Variants in TBC1D30 observed in about 807,000 individuals in gnomAD.
TBC1D30 encodes the protein TBC1 domain family, member 30.
In TBC1D30, 31 loss-of-function variants were observed where a neutral mutation model predicts 63.2. The observed-to-expected ratio is 0.49, with a 90% CI of 0.37 to 0.66. TBC1D30 has a LOEUF of 0.66. TBC1D30 is among the 30% of genes least tolerant of loss of function. The pLI is 0.00. For missense variants in TBC1D30, 810 were observed against 953.6 expected, an observed-to-expected ratio of 0.85 and a Z score of 1.98; for synonymous variants, 307 against 361.5, an observed-to-expected ratio of 0.85 and a Z score of 1.71.
chr12:64,774,295 A>G (rs192736411), intron 1 of TBC1D30, among the ~76,000 whole-genome samples: 1 of 152,344 alleles, frequency 6.6e-6, no homozygotes, highest in East Asian at 1.9e-4. Context: ...GATTATGTAA[A>G]GAGACTGAAT....
intron 1 of TBC1D30, among the ~76,000 whole-genome samples, chr12:64,769,542 A>ATTTTTTTTT (rs35063952): frequency 7.5e-6 from 1 of 133,108 alleles, no homozygotes; most frequent in Non-Finnish European, 1.6e-5. Context: ...ACGCTGGGCT[A>ATTTTTTTTT]TTTTTTTTTT....
chr12:64,824,872 G>A lies in TBC1D30; in HGVS notation c.-8G>A. On this transcript the variant is annotated 5_prime_UTR_variant, in exon 1 of 12. Coordinates refer to ENST00000539867, the MANE Select transcript of TBC1D30 (RefSeq NM_015279.2). ...CGGTAGCCGTGCCAGAGCCCGGGGC[G>A]CTCTCGGATGCGGCAGGACAAGCTG... 1.3e-6 allele frequency: 2 copies of A among 1,532,612 alleles called. No individual in the cohort carries two copies. Among genetic ancestry groups the A allele is most frequent in the Non-Finnish European group, 8.7e-7 (1 of 1,145,918 alleles). The allele number at this position is 1,532,612 out of a possible 1,614,324, so 94.9% of individuals were successfully genotyped here.
chr12:64,824,695 G>C lies in TBC1D30; in HGVS notation c.-185G>C, dbSNP rs1328834092. On this transcript the variant is annotated 5_prime_UTR_variant, in exon 1 of 12. Transcript: ENST00000539867. ...GATGCCTGCTGGCTTCCCTGCGCTC[G>C]GCGGCTCCCGCGGTGCCCCGTAAGT... 4 of 745,404 alleles carry C rather than the reference G, an allele frequency of 5.4e-6. No individual in the cohort carries two copies. The highest frequency in any genetic ancestry group is 8.1e-6 in the Non-Finnish European group (4 of 490,992). The allele number at this position is 745,404 out of a possible 1,614,324, so 46.2% of individuals were successfully genotyped here.
chr12:64,784,617 A>G (rs909769303), intron 1 of TBC1D30, among the ~76,000 whole-genome samples: 8 of 151,258 alleles, frequency 5.3e-5, no homozygotes, highest in African/African-American at 1.9e-4. Context: ...ATGTGACCAA[A>G]AAAAACCTCC....
intron 1 of TBC1D30, among the ~76,000 whole-genome samples, chr12:64,770,495 C>T (rs1870864918): frequency 6.6e-6 from 1 of 152,190 alleles, no homozygotes; most frequent in African/African-American, 2.4e-5. Flanking sequence ...GCTGCTGCTT[C>T]TCAGCTATTG....
At chr12:64,854,564 A>G (rs7978509) in intron 8 of TBC1D30, among the ~76,000 whole-genome samples, 28,759 of 149,390 alleles carry the variant, frequency 0.19, 7,536 homozygotes, top group African/African-American at 0.6. Context: ...GCATGATCTC[A>G]GCTCACTGCA....
chr12:64,762,731 T>G (rs999227396), intron 1 of TBC1D30, among the ~76,000 whole-genome samples: 1 of 152,252 alleles, frequency 6.6e-6, no homozygotes, highest in Non-Finnish European at 1.5e-5. Context: ...CTATGTGCTC[T>G]TTAATCATCT....
At chr12:64,820,756 G>A (rs1873841908), upstream of TBC1D30, among the ~76,000 whole-genome samples, 1 of 152,152 alleles carries the variant, frequency 6.6e-6, no homozygotes, top group South Asian at 2.1e-4. Context: ...TTCCAGACAT[G>A]AAATAAAAAA....
rs1879253544 is a variant in TBC1D30 at position 64,878,643 on chromosome 12, C to T, written c.*2855C>T. ...ATTCTCATTGTTGTAACTGTTCTGC[C>T]ATTTTCTGAGTGCAAGCATGGAACA... On this transcript the variant is annotated 3_prime_UTR_variant, in exon 12 of 12. Coordinates refer to ENST00000539867, the MANE Select transcript of TBC1D30 (RefSeq NM_015279.2). The T allele has an allele frequency of 2.3e-6, 1 of 431,132 alleles. No homozygotes were observed. Among genetic ancestry groups the T allele is most frequent in the Admixed American group, 2.4e-5 (1 of 40,892 alleles). 26.7% of individuals were successfully genotyped at this position (431,132 alleles called of 1,614,324 possible). A position where few individuals can be genotyped will look rare whatever the true frequency, so the allele number is the denominator to read the frequency against.
chr12:64,828,342 C>A, intron 2 of TBC1D30, 102 bp from the exon 3 acceptor site: 1 of 842,846 alleles, frequency 1.2e-6, no homozygotes, highest in Non-Finnish European at 1.9e-6. Context: ...TTGTGCTGTG[C>A]AAATTTCAGC....
chr12:64,838,559 A>G, intron 6 of TBC1D30, 124 bp from the exon 7 acceptor site: 1 of 963,842 alleles, frequency 1.0e-6, no homozygotes, highest in South Asian at 1.8e-5. Flanking sequence ...AGAGTTTAGA[A>G]ATATGAAGAA....
At chr12:64,841,344 T>A (rs1875851970) in intron 7 of TBC1D30, among the ~76,000 whole-genome samples, 1 of 152,154 alleles carries the variant, frequency 6.6e-6, no homozygotes, top group Non-Finnish European at 1.5e-5. Context: ...CACTAGCATC[T>A]CTTTATGTGT....
At chr12:64,776,220 G>A (rs1272330593), upstream of TBC1D30, among the ~76,000 whole-genome samples, 1 of 152,060 alleles carries the variant, frequency 6.6e-6, no homozygotes, top group East Asian at 1.9e-4. Flanking sequence ...AGAAGCAAGA[G>A]CAAACAAATC....
intron 8 of TBC1D30, among the ~76,000 whole-genome samples, chr12:64,854,498 C>CTTT (rs71278243): frequency 1.4e-4 from 19 of 138,824 alleles, no homozygotes; most frequent in African/African-American, 4.6e-4. Context: ...CTTTTTCTTT[C>CTTT]TTTTTTTTTT....
In TBC1D30 at chr12:64,805,575, G is replaced by A. The variant is rs1872811884; in HGVS notation, c.643+19530G>A. Among the ~76,000 whole-genome samples, 3 of 152,170 alleles carry A rather than the reference G, an allele frequency of 2.0e-5. No individual in the cohort carries two copies. The South Asian group carries it at 6.2e-4, about 31-fold the overall frequency. On this transcript the variant is annotated intron_variant, in intron 2 of 12. Transcript: ENST00000542120. ...TGGCTGGGTGTGGTGGCTCATGCCT[G>A]TAATTCCAGCACTTTGGGAGGCCAA...
intron 2 of TBC1D30, among the ~76,000 whole-genome samples, chr12:64,791,680 TTGTGTG>T (rs58531661): frequency 6.7e-6 from 1 of 150,236 alleles, no homozygotes; most frequent in African/African-American, 2.5e-5. Flanking sequence ...CCTGGCTAAT[TTGTGTG>T]TGTGTGTGTG....
Position 64,811,785 on chromosome 12 carries a change from T to TA in TBC1D30, c.644-16049dup, listed in dbSNP as rs538250139. Among the ~76,000 whole-genome samples the TA allele has an allele frequency of 2.3e-3, 344 of 152,364 alleles. 2 individuals carry two copies. Among genetic ancestry groups the TA allele is most frequent in the African/African-American group, 7.9e-3 (327 of 41,592 alleles). Reference sequence around the variant, plus strand: ...ATTTCTACCAGTACCTTGTTTGTACTAGTAGTTAAATAATGGAAGAAGAGT... The same window carrying TA: ...ATTTCTACCAGTACCTTGTTTGTACTAAGTAGTTAAATAATGGAAGAAGAGT... On this transcript the variant is annotated intron_variant, in intron 2 of 12. Transcript: ENST00000542120.
intron 2 of TBC1D30, among the ~76,000 whole-genome samples, chr12:64,814,822 A>T (rs965262379): frequency 5.3e-5 from 8 of 152,344 alleles, no homozygotes; most frequent in Non-Finnish European, 1.2e-4. Context: ...CTACTACCAA[A>T]ACTTGAGATT....
chr12:64,777,528 T>C (rs747719019), upstream of TBC1D30, among the ~76,000 whole-genome samples: 2 of 151,992 alleles, frequency 1.3e-5, no homozygotes, highest in Admixed American at 1.3e-4. Flanking sequence ...AAAAATACAA[T>C]ACCCAGTAAT....
Sources: gnomAD v4.1 joint callset for allele counts (sites outside exome capture counted in the v4.1 genomes callset) on GRCh38, gnomAD v4.1.1 for gene constraint, MANE v1.5 for transcripts, NCBI Gene and HGNC (gene_info 2026-07-23, HGNC 2026-07-21) for gene names.